Variants in SBNO1 observed in about 807,000 individuals in gnomAD.
SBNO1 encodes the protein strawberry notch homolog 1.
Under a neutral mutation model 173.6 loss-of-function variants are expected in SBNO1, and 23 were observed. That is an observed-to-expected ratio of 0.13 (90% CI 0.10 to 0.19). The LOEUF is 0.19. Among genes scored for constraint, SBNO1 ranks in the 10% least tolerant of loss-of-function variants. SBNO1 has a pLI of 1.00. For synonymous variants in SBNO1, 632 were observed against 571.5 expected, an observed-to-expected ratio of 1.11 and a Z score of -1.51; for missense variants, 1,238 against 1,671.2, an observed-to-expected ratio of 0.74 and a Z score of 4.52.
intron 25 of SBNO1, among the ~76,000 whole-genome samples, chr12:123,310,324 G>C (rs4759420): frequency 0.73 from 110,877 of 151,754 alleles, 41,642 homozygotes; most frequent in East Asian, 1. Flanking sequence ...ACCTCCCCCT[G>C]CCAGATTCAA....
chr12:123,301,197 G>A (rs554274417), intron 30 of SBNO1, among the ~76,000 whole-genome samples: 62 of 152,086 alleles, frequency 4.1e-4, no homozygotes, highest in Non-Finnish European at 7.5e-4. Flanking sequence ...TAGTAGAGAC[G>A]TGGTTTCACC....
intron 19 of SBNO1, 115 bp downstream of exon 19, chr12:123,320,317 C>A: frequency 9.3e-7 from 1 of 1,074,040 alleles, no homozygotes; most frequent in Non-Finnish European, 1.3e-6. Context: ...TAAAGTAGAA[C>A]AAGAATTCTA....
chr12:123,302,868 T>C lies in SBNO1; in HGVS notation c.3801A>G (p.Leu1267=). 1 of 1,613,634 alleles carries C rather than the reference T, an allele frequency of 6.2e-7. No individual in the cohort carries two copies. The highest frequency in any genetic ancestry group is 8.5e-7 in the Non-Finnish European group (1 of 1,179,566). ...VVSDDALMHW[L]DQYNSSADTC... Reference sequence around the variant, plus strand: ...TATCTGCAGATGAATTATACTGATCTAACCAGTGCATCAGGGCATCATCTG... The same window carrying C: ...TATCTGCAGATGAATTATACTGATCCAACCAGTGCATCAGGGCATCATCTG... Residue 1267 remains leucine (L), a synonymous_variant, in exon 30 of 32, where the codon TTA becomes TTG. Coordinates refer to ENST00000602398, the MANE Select transcript of SBNO1 (RefSeq NM_001167856.3).
intron 19 of SBNO1, 69 bp from the exon 20 acceptor site, chr12:123,320,100 C>T (rs749046625): frequency 5.2e-6 from 8 of 1,546,624 alleles, no homozygotes; most frequent in Non-Finnish European, 7.1e-6. Context: ...GTGCCTCTTT[C>T]CTTGAAGACA....
chr12:123,346,851 G>A (rs1003693906), intron 3 of SBNO1, among the ~76,000 whole-genome samples: 1 of 152,028 alleles, frequency 6.6e-6, no homozygotes, highest in African/African-American at 2.4e-5. Flanking sequence ...GCTGAGATGG[G>A]CACATTACCT....
rs749480298 is a variant in SBNO1, at chr12:123,309,748, T to C, written c.3404A>G (p.Asn1135Ser). The change falls in exon 26 of 32, where the codon AAT becomes AGT. Residue 1135 changes from asparagine to serine, a missense_variant. Coordinates refer to ENST00000602398, the MANE Select transcript of SBNO1 (RefSeq NM_001167856.3). ...FADTLTAVVQ[N>S]AKKNGRYDMG... ...ATCATATCTTCCATTTTTTTTGGCA[T>C]TTTGAACAACTGCAGTAAGTGTGTC... The C allele has an allele frequency of 1.2e-6, 2 of 1,612,602 alleles. No individual in the cohort carries two copies. The highest frequency in any genetic ancestry group is 1.1e-5 in the South Asian group (1 of 90,308).
intron 4 of SBNO1, among the ~76,000 whole-genome samples, chr12:123,343,425 G>A (rs181705765): frequency 6.6e-6 from 1 of 151,890 alleles, no homozygotes; most frequent in East Asian, 1.9e-4. Context: ...AGTAGAACAT[G>A]CAACACCTTG....
chr12:123,325,807 A>G (rs1870546868), intron 14 of SBNO1, among the ~76,000 whole-genome samples: 1 of 152,242 alleles, frequency 6.6e-6, no homozygotes, highest in Non-Finnish European at 1.5e-5. Flanking sequence ...TACAGACAGT[A>G]GTAAGCATGA....
At position 123,328,034 on chromosome 12, in the gene SBNO1, G is replaced by A. The variant is rs371075500; in HGVS notation, c.1297-7C>T. 1.7e-5 allele frequency: 27 copies of A among 1,600,420 alleles called. No individual in the cohort carries two copies. Among genetic ancestry groups the A allele is most frequent in the Non-Finnish European group, 2.2e-5 (26 of 1,171,516 alleles). The stretch of plus-strand genomic sequence containing the variant: ...GACACTCATCAAACACTATCTAAAT[G>A]GAATGAGTTAAGGAATGTATCACAT... On this transcript the variant is annotated splice_region_variant and splice_polypyrimidine_tract_variant and intron_variant, in intron 10 of 31. Transcript: ENST00000602398.
At chr12:123,352,342 G>T (rs1246459195) in intron 1 of SBNO1, among the ~76,000 whole-genome samples, 3 of 152,136 alleles carry the variant, frequency 2.0e-5, no homozygotes, top group Non-Finnish European at 2.9e-5. Context: ...ACGCAGTTTC[G>T]CTCTTGTTGC....
Position 123,341,038 on chromosome 12 carries a change from C to T in SBNO1, c.601G>A (p.Ala201Thr), listed in dbSNP as rs746620171. The T allele has an allele frequency of 2.5e-6, 4 of 1,604,880 alleles. No individual in the cohort carries two copies. The South Asian group carries it at 4.5e-5, about 18-fold the overall frequency. ...VKKESSNKEGARMWINDMKMR... is the reference protein window; with the variant it reads ...VKKESSNKEGTRMWINDMKMR... ...TTCATGTCGTTTATCCACATTCTAG[C>T]TCCTTCTTTATTAGAAGACTCTTTC... is the stretch of plus-strand genomic sequence containing the variant. The change falls in exon 5 of 32, where the codon GCT (alanine) becomes ACT (threonine). Residue 201 changes from alanine (A) to threonine (T), a missense_variant. Physicochemically the swap from Ala to Thr is moderately conservative, Grantham distance 58 (BLOSUM62 0). Transcript: ENST00000602398.
chr12:123,320,076 G>T, intron 19 of SBNO1, 45 bp from the exon 20 acceptor site: 1 of 1,609,308 alleles, frequency 6.2e-7, no homozygotes, highest in South Asian at 1.1e-5. Flanking sequence ...ATCTGACTGC[G>T]GTGGATGGAC....
intron 16 of SBNO1, among the ~76,000 whole-genome samples, chr12:123,322,823 T>C (rs905842677): frequency 1.3e-5 from 2 of 149,448 alleles, no homozygotes; most frequent in Non-Finnish European, 3.0e-5. Flanking sequence ...GAGGTTGCAG[T>C]GAGCCAAGAT....
In SBNO1 at chr12:123,309,581, G is replaced by T; in HGVS notation, c.3445C>A (p.Leu1149Ile). ...CGCACTTTTTCATCTCCAGAACCAAGATCTTGAACAAGAAAAAGAAACATG... is the reference window on the plus strand; with the variant it reads ...CGCACTTTTTCATCTCCAGAACCAATATCTTGAACAAGAAAAAGAAACATG... ...NGRYDMGILD[L>I]GSGDEKVRKS... is the part of the protein sequence containing the mutation. The change falls in exon 27 of 32, where the codon CTT becomes ATT. Residue 1149 changes from leucine to isoleucine, a missense_variant and splice_region_variant. Physicochemically the swap from Leu to Ile is conservative, Grantham distance 5. Coordinates refer to ENST00000602398, the MANE Select transcript of SBNO1 (RefSeq NM_001167856.3). 2 of 1,612,642 alleles carry T rather than the reference G, an allele frequency of 1.2e-6. No homozygotes were observed. Among genetic ancestry groups the T allele is most frequent in the Non-Finnish European group, 1.7e-6 (2 of 1,178,962 alleles).
chr12:123,346,391 G>A (rs1371313201), intron 3 of SBNO1, among the ~76,000 whole-genome samples: 8 of 152,266 alleles, frequency 5.3e-5, no homozygotes, highest in Non-Finnish European at 7.3e-5. Context: ...TTGGCCGGGC[G>A]CGGTGGCTCA....
chr12:123,318,309 G>A (rs1869536137), intron 20 of SBNO1, among the ~76,000 whole-genome samples: 1 of 152,166 alleles, frequency 6.6e-6, no homozygotes, highest in Non-Finnish European at 1.5e-5. Context: ...GTGTGGTGGT[G>A]TGTGCCTATA....
At chr12:123,353,430 G>T (rs1174684493) in intron 1 of SBNO1, among the ~76,000 whole-genome samples, 1 of 152,006 alleles carries the variant, frequency 6.6e-6, no homozygotes, top group Non-Finnish European at 1.5e-5. Flanking sequence ...GGTAAACTAC[G>T]ATGTTTCATT....
chr12:123,307,020 T>TAAAAAAAAAAA lies in SBNO1; in HGVS notation c.3630+2279_3630+2289dup, dbSNP rs34105162. ...CAACACAGTGAGACATCAACTGCAT[T>TAAAAAAAAAAA]AAAAAAAAAAAAAAAAAAAAAAGCC... is the stretch of plus-strand genomic sequence containing the variant. On this transcript the variant is annotated intron_variant, in intron 28 of 31. Transcript: ENST00000602398. Among the ~76,000 whole-genome samples the TAAAAAAAAAAA allele has an allele frequency of 3.1e-5, 2 of 64,432 alleles. 1 individual carries two copies. The highest frequency in any genetic ancestry group is 5.4e-5 in the Non-Finnish European group (2 of 36,698). The allele number at this position is 64,432 out of a possible 152,430, so 42.3% of individuals were successfully genotyped here. A position where few individuals can be genotyped will look rare whatever the true frequency, so the allele number is the denominator to read the frequency against.
At chr12:123,343,700 G>C (rs1872801245) in intron 4 of SBNO1, among the ~76,000 whole-genome samples, 1 of 151,984 alleles carries the variant, frequency 6.6e-6, no homozygotes, top group South Asian at 2.1e-4. Flanking sequence ...ATCATGCCCA[G>C]CTAATTTTCA....
Sources: allele counts gnomAD v4.1 joint callset (sites outside exome capture counted in the v4.1 genomes callset), GRCh38; gene constraint gnomAD v4.1.1; transcripts MANE v1.5; gene names NCBI Gene and HGNC (gene_info 2026-07-23, HGNC 2026-07-21).